CNTNAP2: variants seen among roughly 807,000 people sequenced by gnomAD.
The protein encoded by CNTNAP2 is contactin associated protein 2.
A neutral mutation model predicts 155.2 loss-of-function variants in CNTNAP2; 98 were observed. That is an observed-to-expected ratio of 0.63 (90% confidence interval 0.54 to 0.75). The LOEUF is 0.75. Ranked by LOEUF, CNTNAP2 falls within the 30% of genes least tolerant of loss-of-function variation. The pLI is 0.00. For synonymous variants in CNTNAP2, 651 were observed against 631.2 expected, an observed-to-expected ratio of 1.03 and a Z score of -0.47; for missense variants, 1,727 against 1,688.1, an observed-to-expected ratio of 1.02 and a Z score of -0.40.
At chr7:148,287,795 C>CT (rs71188961) in intron 21 of CNTNAP2, among the ~76,000 whole-genome samples, 4 of 73,442 alleles carry the variant, frequency 5.4e-5, no homozygotes, top group Admixed American at 1.6e-4. Context: ...TTCTTTTTTT[C>CT]TTTTTTTTTT....
chr7:147,901,653 T>C (rs1339431387), intron 13 of CNTNAP2, among the ~76,000 whole-genome samples: 2 of 152,242 alleles, frequency 1.3e-5, no homozygotes, highest in Non-Finnish European at 2.9e-5. Context: ...ATCTGTGTAA[T>C]GCATACTTGA....
chr7:146,856,261 T>TAG (rs1447280047), intron 3 of CNTNAP2, among the ~76,000 whole-genome samples: 22 of 135,280 alleles, frequency 1.6e-4, no homozygotes, highest in African/African-American at 5.7e-4. Flanking sequence ...AGATGATAGA[T>TAG]ATAGATAGAT....
At chr7:146,668,266 A>C (rs1447286789) in intron 1 of CNTNAP2, among the ~76,000 whole-genome samples, 1 of 152,078 alleles carries the variant, frequency 6.6e-6, no homozygotes, top group South Asian at 2.1e-4. Context: ...TTAATGTATG[A>C]TGTTTATTGA....
intron 21 of CNTNAP2, among the ~76,000 whole-genome samples, chr7:148,295,085 A>G (rs1055387149): frequency 9.9e-5 from 15 of 152,152 alleles, no homozygotes; most frequent in African/African-American, 3.1e-4. Context: ...ATTTTACAAA[A>G]CTTAATTCTT....
chr7:148,053,069 A>T (rs1307963705), intron 15 of CNTNAP2, among the ~76,000 whole-genome samples: 1 of 151,912 alleles, frequency 6.6e-6, no homozygotes, highest in African/African-American at 2.4e-5. Context: ...AACATCACCT[A>T]AAAAAAAGTC....
chr7:147,301,590 C>CTGTG (rs1468341285), intron 9 of CNTNAP2, among the ~76,000 whole-genome samples: 27 of 111,632 alleles, frequency 2.4e-4, no homozygotes, highest in East Asian at 1.6e-3. Context: ...CTCTCTCTCT[C>CTGTG]TCTGTGTGTG....
intron 15 of CNTNAP2, among the ~76,000 whole-genome samples, chr7:148,032,858 T>C (rs1802504579): frequency 6.6e-6 from 1 of 152,234 alleles, no homozygotes; most frequent in African/African-American, 2.4e-5. Context: ...CACTCTTTAA[T>C]GAAGAGATCC....
chr7:146,190,461 C>T (rs536326054), intron 1 of CNTNAP2, among the ~76,000 whole-genome samples: 1 of 152,322 alleles, frequency 6.6e-6, no homozygotes, highest in South Asian at 2.1e-4. Flanking sequence ...GGCTCTACCA[C>T]ATCAACAAAC....
chr7:147,564,801 C>T (rs1800136162), intron 12 of CNTNAP2, among the ~76,000 whole-genome samples: 1 of 151,942 alleles, frequency 6.6e-6, no homozygotes, highest in Non-Finnish European at 1.5e-5. Context: ...CAAATGACTT[C>T]TGAGCTCTAA....
At chr7:147,788,901 T>TC (rs1554435027) in intron 13 of CNTNAP2, among the ~76,000 whole-genome samples, 1 of 67,684 alleles carries the variant, frequency 1.5e-5, no homozygotes, top group Non-Finnish European at 2.7e-5. Context: ...TTTCTTTTTC[T>TC]TTTTTTTTTT....
chr7:147,312,289 T>C (rs866835562), intron 9 of CNTNAP2, among the ~76,000 whole-genome samples: 2 of 152,040 alleles, frequency 1.3e-5, no homozygotes, highest in African/African-American at 4.8e-5. Context: ...ACTTCAAGTT[T>C]TAGGGTACAT....
chr7:146,822,709 A>G (rs1280009601), intron 2 of CNTNAP2, among the ~76,000 whole-genome samples: 1 of 144,522 alleles, frequency 6.9e-6, no homozygotes, highest in Non-Finnish European at 1.5e-5. Context: ...ATTCTTAAGT[A>G]TACACTTAAA....
intron 16 of CNTNAP2, among the ~76,000 whole-genome samples, chr7:148,125,788 G>A (rs2116621057): frequency 6.6e-6 from 1 of 150,478 alleles, no homozygotes; most frequent in Non-Finnish European, 1.5e-5. Flanking sequence ...TGCAACCTCT[G>A]CCTCCCGGGT....
intron 1 of CNTNAP2, among the ~76,000 whole-genome samples, chr7:146,229,541 C>G (rs1799349731): frequency 6.6e-6 from 1 of 151,994 alleles, no homozygotes. Flanking sequence ...CAAGGTAATC[C>G]AGTAAAATGT....
intron 1 of CNTNAP2, among the ~76,000 whole-genome samples, chr7:146,751,778 C>T (rs1241281909): frequency 6.6e-6 from 1 of 151,972 alleles, no homozygotes; most frequent in East Asian, 1.9e-4. Flanking sequence ...CCTCTCCTTG[C>T]CCCCAACCCC....
chr7:146,974,350 A>G (rs1797863996), intron 3 of CNTNAP2, among the ~76,000 whole-genome samples: 1 of 152,058 alleles, frequency 6.6e-6, no homozygotes, highest in Non-Finnish European at 1.5e-5. Context: ...AGGCAGGAGA[A>G]TCACTTGAAC....
intron 4 of CNTNAP2, among the ~76,000 whole-genome samples, chr7:147,069,725 A>G (rs765335091): frequency 2.0e-5 from 3 of 152,180 alleles, no homozygotes; most frequent in Non-Finnish European, 4.4e-5. Flanking sequence ...AAAGTTGCTT[A>G]CTTACTATCA....
chr7:147,484,901 T>C (rs958170637), intron 10 of CNTNAP2, among the ~76,000 whole-genome samples: 2 of 152,248 alleles, frequency 1.3e-5, no homozygotes, highest in African/African-American at 2.4e-5. Flanking sequence ...TACTAAAGTC[T>C]AGATGTCCTT....
chr7:147,115,005 G>A (rs1256531704), intron 5 of CNTNAP2, among the ~76,000 whole-genome samples: 1 of 152,166 alleles, frequency 6.6e-6, no homozygotes, highest in Admixed American at 6.5e-5. Flanking sequence ...GGCAGGACTG[G>A]TGGTAATAAA....
Sources: gnomAD v4.1 joint callset for allele counts (sites outside exome capture counted in the v4.1 genomes callset) on GRCh38, gnomAD v4.1.1 for gene constraint, MANE v1.5 for transcripts, NCBI Gene and HGNC (gene_info 2026-07-23, HGNC 2026-07-21) for gene names.